Variants in SIK2 observed in about 807,000 individuals in gnomAD.
SIK2 encodes salt inducible kinase 2, also known as serine/threonine-protein kinase SIK2.
Under a neutral mutation model 103.2 loss-of-function variants are expected in SIK2, and 29 were observed. That is an observed-to-expected ratio of 0.28 (90% CI 0.21 to 0.38). The LOEUF (loss-of-function observed/expected upper bound fraction) is 0.38, where lower values mean the gene tolerates loss of function less well. SIK2 is among the 10% of genes least tolerant of loss of function. The pLI is 1.00. For synonymous variants in SIK2, 412 were observed against 446.1 expected (o/e 0.92, Z 0.96); for missense variants, 879 against 1,171.0 (o/e 0.75, Z 3.64).
intron 3 of SIK2, chr11:111,672,198 G>C (rs1003189126): frequency 3.5e-5 from 14 of 401,722 alleles, no homozygotes; most frequent in Middle Eastern, 7.9e-4. Context: ...TGGCTGTGAT[G>C]CCCCCCCATA....
At chr11:111,617,577 C>G (rs1033932290) in intron 2 of SIK2, among the ~76,000 whole-genome samples, 3 of 152,184 alleles carry the variant, frequency 2.0e-5, no homozygotes. Context: ...ATTTACATCA[C>G]AGAAACTGGC....
At chr11:111,689,509 T>C (rs984354408) in intron 4 of SIK2, among the ~76,000 whole-genome samples, 1 of 152,114 alleles carries the variant, frequency 6.6e-6, no homozygotes, top group Non-Finnish European at 1.5e-5. Context: ...GAGATTTTGT[T>C]TGACTTGGGT....
chr11:111,720,563 C>T lies in SIK2; in HGVS notation c.1581C>T (p.Asn527=). The stretch of plus-strand genomic sequence containing the variant: ...TGGGGTCTGTTCAGAGGGACCTGAA[C>T]TTTCTGGAAGACAACCCTTCCCTTA... ...YDMGSVQRDL[N]FLEDNPSLKD... is the part of the protein sequence containing the mutation. Residue 527 remains asparagine, a synonymous_variant, in exon 11 of 15, where the codon AAC becomes AAT. Transcript: ENST00000304987. The T allele has an allele frequency of 6.2e-7, 1 of 1,614,158 alleles. No homozygotes were observed. The highest frequency in any genetic ancestry group is 8.5e-7 in the Non-Finnish European group (1 of 1,180,038).
intron 4 of SIK2, among the ~76,000 whole-genome samples, chr11:111,698,850 C>T (rs1565367564): frequency 2.0e-5 from 3 of 152,216 alleles, no homozygotes; most frequent in Non-Finnish European, 4.4e-5. Flanking sequence ...TCTCTGAACA[C>T]ACATCCGAGA....
intron 1 of SIK2, among the ~76,000 whole-genome samples, chr11:111,611,079 C>T (rs1400817089): frequency 2.6e-5 from 3 of 113,526 alleles, no homozygotes; most frequent in African/African-American, 6.0e-5. Context: ...AACCCACTCT[C>T]GACCAAATGT....
rs531352255 is a variant in SIK2, at chr11:111,678,929, T to A, written c.317-9072T>A. The stretch of plus-strand genomic sequence containing the variant: ...AAAAACAAAATTTGGGGTTTTTTAC[T>A]GACAAATCAGAGTAACCCAAGGCCT... On this transcript the variant is annotated intron_variant, in intron 3 of 14. Coordinates refer to ENST00000304987, the MANE Select transcript of SIK2 (RefSeq NM_015191.3). 1.7e-4 allele frequency among the ~76,000 whole-genome samples: 26 copies of A among 152,334 alleles called. 1 individual carries two copies. Among genetic ancestry groups the A allele is most frequent in the African/African-American group, 6.0e-4 (25 of 41,580 alleles).
chr11:111,721,060 CA>C lies in SIK2; in HGVS notation c.1943del (p.Gln648ArgfsTer92). ...QLQDLASSCP[Q>X]EEVSQQQESV... ...CCAGGACCTTGCTAGCAGCTGCCCT[CA>C]GGTGGGTACCTTGGGCCCTTCCCTC... is the stretch of plus-strand genomic sequence containing the variant. On this transcript the variant is annotated frameshift_variant and splice_region_variant, in exon 12 of 15. Transcript: ENST00000304987. LOFTEE classifies it high-confidence loss of function. 1 of 1,611,744 alleles carries C rather than the reference CA, an allele frequency of 6.2e-7. No individual in the cohort carries two copies. The highest frequency in any genetic ancestry group is 8.5e-7 in the Non-Finnish European group (1 of 1,179,126).
In SIK2 at chr11:111,723,628, G is replaced by A. The variant is rs759246960; in HGVS notation, c.2280G>A (p.Pro760=). The change falls in exon 15 of 15, where the codon CCG becomes CCA. Residue 760 remains proline, a synonymous_variant. Transcript: ENST00000304987. ...QLPLPRQETP[P]PSQQAPPFSL... is the part of the protein sequence containing the mutation. ...CCCTTCCCCGCCAGGAGACTCCACC[G>A]CCTTCTCAGCAGGCCCCACCGTTCA... The A allele has an allele frequency of 2.9e-5, 46 of 1,613,498 alleles. No homozygotes were observed. The highest frequency in any genetic ancestry group is 6.7e-5 in the African/African-American group (5 of 74,876).
chr11:111,657,620 C>T (rs149412343), intron 3 of SIK2, among the ~76,000 whole-genome samples: 183 of 152,288 alleles, frequency 1.2e-3, no homozygotes, highest in African/African-American at 4.0e-3. Flanking sequence ...AGGTCCTGGC[C>T]TCAAGCGATC....
rs548809754 is a variant in SIK2 at position 111,717,282 on chromosome 11, C to T, written c.1267-2493C>T. Among the ~76,000 whole-genome samples the T allele has an allele frequency of 8.7e-5, 12 of 138,160 alleles. No individual in the cohort carries two copies. The East Asian group carries it at 2.5e-3, about 29-fold the overall frequency. 90.6% of individuals were successfully genotyped at this position (138,160 alleles called of 152,430 possible). A position where few individuals can be genotyped will look rare whatever the true frequency, so the allele number is the denominator to read the frequency against. ...AGTGAGCTGAGATCTCACCACTGCA[C>T]TCCAGAGCCTGGGCGACAGAGCGAG... On this transcript the variant is annotated intron_variant, in intron 9 of 14. Coordinates refer to ENST00000304987, the MANE Select transcript of SIK2 (RefSeq NM_015191.3).
chr11:111,648,881 G>A (rs1356464358), intron 3 of SIK2, among the ~76,000 whole-genome samples: 2 of 152,082 alleles, frequency 1.3e-5, no homozygotes, highest in African/African-American at 4.8e-5. Context: ...GTTCAACTTA[G>A]AGACATGTTA....
chr11:111,717,413 G>C (rs1228056614), intron 9 of SIK2, among the ~76,000 whole-genome samples: 1 of 147,026 alleles, frequency 6.8e-6, no homozygotes, highest in African/African-American at 2.5e-5. Context: ...ATGCCAGTCA[G>C]AATGGCAATT....
rs113573288 is a variant in SIK2 at position 111,688,862 on chromosome 11, C to A, written c.478+700C>A. ...TATCCATATATAAAAATAGCATGTA[C>A]ACCTTGAATATACACAATTTTTGTC... On this transcript the variant is annotated intron_variant, in intron 4 of 14. Coordinates refer to ENST00000304987, the MANE Select transcript of SIK2 (RefSeq NM_015191.3). This position sits in a 1 kb window ranked among gnomAD's most constrained non-coding sequence, Gnocchi z 4.2. Among the ~76,000 whole-genome samples, 16 of 152,248 alleles carry A rather than the reference C, an allele frequency of 1.1e-4. 2 individuals are homozygous for A. The highest frequency in any genetic ancestry group is 3.4e-4 in the African/African-American group (14 of 41,540).
chr11:111,656,023 C>A (rs1360948927), intron 3 of SIK2, among the ~76,000 whole-genome samples: 14 of 121,916 alleles, frequency 1.1e-4, no homozygotes, highest in African/African-American at 2.1e-4. Flanking sequence ...ACTAAAAATG[C>A]AAAAAAAAAA....
chr11:111,702,952 A>T (rs570974610), intron 6 of SIK2, among the ~76,000 whole-genome samples: 1 of 152,298 alleles, frequency 6.6e-6, no homozygotes, highest in East Asian at 1.9e-4. Context: ...CAGTTGTGAA[A>T]TTCAGTAGAA....
At position 111,688,724 on chromosome 11, in the gene SIK2, A is replaced by G. The variant is rs1302270019; in HGVS notation, c.478+562A>G. Reference sequence around the variant, plus strand: ...TCACAGTTGTAAAATGTTTTATTTTATATTCTCAGTCTCTTTATTTACATA... The same window carrying G: ...TCACAGTTGTAAAATGTTTTATTTTGTATTCTCAGTCTCTTTATTTACATA... On this transcript the variant is annotated intron_variant, in intron 4 of 14. Transcript: ENST00000304987. The surrounding 1 kb of genome is among the most constrained non-coding windows in gnomAD (Gnocchi z 4.2). Among the ~76,000 whole-genome samples, 1 of 152,176 alleles carries G rather than the reference A, an allele frequency of 6.6e-6. No homozygotes were observed. The highest frequency in any genetic ancestry group is 1.5e-5 in the Non-Finnish European group (1 of 68,018).
chr11:111,723,445 G>A (rs1298815322), intron 14 of SIK2, 51 bp from the exon 15 acceptor site: 1 of 1,520,128 alleles, frequency 6.6e-7, no homozygotes, highest in Non-Finnish European at 8.9e-7. Context: ...CATTAAAATT[G>A]CCATCACTTG....
chr11:111,723,094 T>C (rs1028754434), intron 14 of SIK2, among the ~76,000 whole-genome samples: 1 of 152,200 alleles, frequency 6.6e-6, no homozygotes. Flanking sequence ...CTTACTATCA[T>C]GTGTGCCCAC....
chr11:111,668,177 G>A (rs1488750828), intron 3 of SIK2, among the ~76,000 whole-genome samples: 1 of 129,858 alleles, frequency 7.7e-6, no homozygotes, highest in Non-Finnish European at 1.6e-5. Flanking sequence ...ACTAAAGTAA[G>A]GAGTGTGTGT....
Sources: allele counts gnomAD v4.1 joint callset (sites outside exome capture counted in the v4.1 genomes callset), GRCh38; gene constraint gnomAD v4.1.1; non-coding constraint Gnocchi (gnomAD v3.1); transcripts MANE v1.5; gene names NCBI Gene and HGNC (gene_info 2026-07-23, HGNC 2026-07-21).